UGGT2: variants seen among roughly 807,000 people sequenced by gnomAD.
The protein encoded by UGGT2 is UDP-glucose:glycoprotein glucosyltransferase 2.
A neutral mutation model predicts 192.1 loss-of-function variants in UGGT2; 180 were observed. The ratio of observed to expected loss-of-function variants is 0.94; its 90% CI spans 0.83 to 1.06. The LOEUF (loss-of-function observed/expected upper bound fraction) is 1.06. Among genes scored for constraint, UGGT2 ranks in the 50% least tolerant of loss-of-function variants. UGGT2 has a pLI of 0.00. For synonymous variants in UGGT2, 580 were observed against 591.0 expected (o/e 0.98, Z 0.27); for missense variants, 1,849 against 1,795.7 (o/e 1.03, Z -0.54).
intron 37 of UGGT2, among the ~76,000 whole-genome samples, chr13:95,834,287 T>C (rs1174924808): frequency 2.0e-5 from 3 of 152,132 alleles, no homozygotes; most frequent in African/African-American, 7.2e-5. Flanking sequence ...GTTTCTTAAC[T>C]GGGTAATCAT....
At chr13:95,931,497 C>A (rs1306130322) in intron 17 of UGGT2, among the ~76,000 whole-genome samples, 1 of 142,390 alleles carries the variant, frequency 7.0e-6, no homozygotes, top group Admixed American at 6.9e-5. Flanking sequence ...GGGCAGCACT[C>A]GTCGGGGAGG....
chr13:95,830,031 A>G (rs945518095), intron 38 of UGGT2, among the ~76,000 whole-genome samples: 1 of 152,252 alleles, frequency 6.6e-6, no homozygotes. Flanking sequence ...AAATGGGGAA[A>G]GGATTCCTTA....
At chr13:95,854,858 G>A (rs1466470372) in intron 34 of UGGT2, among the ~76,000 whole-genome samples, 1 of 151,856 alleles carries the variant, frequency 6.6e-6, no homozygotes, top group Non-Finnish European at 1.5e-5. Flanking sequence ...CTCCATTATT[G>A]TATATTGGCA....
At chr13:95,905,410 T>C (rs993116476) in intron 20 of UGGT2, among the ~76,000 whole-genome samples, 6 of 152,090 alleles carry the variant, frequency 3.9e-5, no homozygotes, top group Admixed American at 2.6e-4. Flanking sequence ...GGTTTTCTTG[T>C]AGGGTTTTTA....
At chr13:95,979,548 CA>C (rs57487353) in intron 10 of UGGT2, among the ~76,000 whole-genome samples, 61 of 98,780 alleles carry the variant, frequency 6.2e-4, no homozygotes, top group East Asian at 1.4e-3. Context: ...GTCTCTTACG[CA>C]AAAAAAAAAA....
At chr13:95,866,404 G>T (rs954067641) in intron 30 of UGGT2, among the ~76,000 whole-genome samples, 1 of 152,030 alleles carries the variant, frequency 6.6e-6, no homozygotes, top group African/African-American at 2.4e-5. Context: ...ACTATGAGTT[G>T]GCCTTCATAC....
intron 38 of UGGT2, among the ~76,000 whole-genome samples, chr13:95,818,899 T>C (rs1277806427): frequency 1.3e-5 from 2 of 152,166 alleles, no homozygotes; most frequent in Non-Finnish European, 2.9e-5. Context: ...GAGTTACCTC[T>C]AGGCCTTTCC....
At chr13:96,029,345 G>A (rs1020832113) in intron 2 of UGGT2, among the ~76,000 whole-genome samples, 1 of 152,000 alleles carries the variant, frequency 6.6e-6, no homozygotes, top group African/African-American at 2.4e-5. Flanking sequence ...GCAGTCCAGT[G>A]GTGTGATCTC....
chr13:95,976,491 C>G (rs1028319869), intron 10 of UGGT2, among the ~76,000 whole-genome samples: 6 of 151,954 alleles, frequency 3.9e-5, no homozygotes, highest in Non-Finnish European at 5.9e-5. Context: ...TTTTGTGAAC[C>G]TCTATACTAC....
At chr13:95,991,402 T>C in intron 7 of UGGT2, 1 of 441,568 alleles carries the variant, frequency 2.3e-6, no homozygotes. Flanking sequence ...TCCTTTTTAA[T>C]GATTGTCATT....
chr13:95,881,077 G>T (rs1041520452), intron 27 of UGGT2, among the ~76,000 whole-genome samples: 1 of 152,154 alleles, frequency 6.6e-6, no homozygotes, highest in Non-Finnish European at 1.5e-5. Flanking sequence ...GGGGGGCTGG[G>T]ACAGGAGAAT....
At chr13:96,031,159 A>G (rs946707548) in intron 2 of UGGT2, among the ~76,000 whole-genome samples, 1 of 152,158 alleles carries the variant, frequency 6.6e-6, no homozygotes, top group African/African-American at 2.4e-5. Context: ...AAGGGGGAAT[A>G]TGGGAAATCT....
chr13:95,859,884 C>T, intron 32 of UGGT2: 1 of 391,662 alleles, frequency 2.6e-6, no homozygotes, highest in East Asian at 4.3e-5. Context: ...AAGGTTTTCA[C>T]AATGAAATGT....
chr13:95,976,258 T>C (rs1185510221), intron 10 of UGGT2, among the ~76,000 whole-genome samples: 6 of 152,228 alleles, frequency 3.9e-5, no homozygotes, highest in Non-Finnish European at 7.3e-5. Flanking sequence ...AGGATTTCTT[T>C]TTTATGACTA....
chr13:95,915,453 A>T (rs2140369263), intron 20 of UGGT2, among the ~76,000 whole-genome samples: 1 of 152,376 alleles, frequency 6.6e-6, no homozygotes, highest in South Asian at 2.1e-4. Context: ...AAAAGATCTT[A>T]ATATTGTAAA....
At chr13:95,822,425 A>G (rs1885601495) in intron 38 of UGGT2, among the ~76,000 whole-genome samples, 1 of 152,006 alleles carries the variant, frequency 6.6e-6, no homozygotes, top group Admixed American at 6.6e-5. Flanking sequence ...AGTTTATCAG[A>G]ACTAGGATTT....
intron 29 of UGGT2, among the ~76,000 whole-genome samples, chr13:95,873,991 C>T: frequency 6.6e-6 from 1 of 152,188 alleles, no homozygotes; most frequent in Admixed American, 6.5e-5. Flanking sequence ...TAAACATTCA[C>T]ATCCAGCTGC....
At chr13:95,921,803 A>G (rs1290175408) in intron 20 of UGGT2, among the ~76,000 whole-genome samples, 1 of 152,208 alleles carries the variant, frequency 6.6e-6, no homozygotes, top group Non-Finnish European at 1.5e-5. Context: ...GGTTGCAGAG[A>G]AAAAGGGAAT....
intron 16 of UGGT2, among the ~76,000 whole-genome samples, chr13:95,939,368 A>T (rs1254692346): frequency 6.6e-6 from 1 of 151,814 alleles, no homozygotes; most frequent in Non-Finnish European, 1.5e-5. Context: ...CTTTCATTCA[A>T]TGTGTTGCGT....
Sources: gnomAD v4.1 joint callset for allele counts (sites outside exome capture counted in the v4.1 genomes callset) on GRCh38, gnomAD v4.1.1 for gene constraint, MANE v1.5 for transcripts, NCBI Gene and HGNC (gene_info 2026-07-23, HGNC 2026-07-21) for gene names.